The following PARD3B variants were observed in gnomAD, a reference collection of about 807,000 sequenced individuals.
PARD3B encodes partitioning defective 3 homolog B.
A neutral mutation model predicts 130.2 loss-of-function variants in PARD3B; 103 were observed. The ratio of observed to expected loss-of-function variants is 0.79; its 90% CI spans 0.67 to 0.93. PARD3B has a LOEUF of 0.93. Ranked by LOEUF, PARD3B falls within the 40% of genes least tolerant of loss-of-function variation. PARD3B has a pLI of 0.00. For missense variants in PARD3B, 1,609 were observed against 1,499.2 expected, an observed-to-expected ratio of 1.07 and a Z score of -1.21; for synonymous variants, 583 against 553.2, an observed-to-expected ratio of 1.05 and a Z score of -0.76.
At chr2:204,874,627 C>T (rs1267849309) in intron 2 of PARD3B, among the ~76,000 whole-genome samples, 2 of 152,126 alleles carry the variant, frequency 1.3e-5, no homozygotes, top group Non-Finnish European at 2.9e-5. Flanking sequence ...ACAGGTTTTA[C>T]ATGAACAGCT....
rs2125681650 is a variant in PARD3B, at chr2:204,887,148, T to C, written c.223-78004T>C. ...TTTTTTATTTAGGGAAGTTATCTGT[T>C]CAATTGAGATGAATGGTAATGGGAT... On this transcript the variant is annotated intron_variant, in intron 2 of 22. Transcript: ENST00000406610. This position sits in a 1 kb window ranked among gnomAD's most constrained non-coding sequence, Gnocchi z 4.2. Among the ~76,000 whole-genome samples the C allele has an allele frequency of 6.6e-6, 1 of 152,354 alleles. No homozygotes were observed. Among genetic ancestry groups the C allele is most frequent in the African/African-American group, 2.4e-5 (1 of 41,580 alleles).
intron 18 of PARD3B, among the ~76,000 whole-genome samples, chr2:205,318,228 A>T (rs2042627133): frequency 6.6e-6 from 1 of 152,098 alleles, no homozygotes; most frequent in African/African-American, 2.4e-5. Flanking sequence ...AATATCATAG[A>T]TTTGTTCTGC....
intron 3 of PARD3B, among the ~76,000 whole-genome samples, chr2:205,039,056 A>G (rs1698204110): frequency 6.6e-6 from 1 of 151,688 alleles, no homozygotes; most frequent in South Asian, 2.1e-4. Context: ...TTGTGCTGCT[A>G]TTGATATCAT....
rs115839444 is a variant in PARD3B at position 204,588,293 on chromosome 2, T to C, written c.120+42174T>C. ...GTTATAGGAACCTATTTATTGTACATGTAATGAGATAAAGGTGGCCTGTAA... is the reference window on the plus strand; with the variant it reads ...GTTATAGGAACCTATTTATTGTACACGTAATGAGATAAAGGTGGCCTGTAA... On this transcript the variant is annotated intron_variant, in intron 1 of 22. Transcript: ENST00000406610. Among the ~76,000 whole-genome samples, 1,094 of 152,290 alleles carry C rather than the reference T, an allele frequency of 7.2e-3. 17 individuals carry two copies. Among genetic ancestry groups the C allele is most frequent in the African/African-American group, 0.025 (1,035 of 41,550 alleles).
At chr2:205,278,087 C>T (rs996903964) in intron 16 of PARD3B, among the ~76,000 whole-genome samples, 3 of 152,006 alleles carry the variant, frequency 2.0e-5, no homozygotes, top group Non-Finnish European at 2.9e-5. Context: ...GCAAAGGTAG[C>T]GAGTGCTGAG....
At chr2:205,389,828 A>G (rs115112345) in intron 18 of PARD3B, among the ~76,000 whole-genome samples, 3,168 of 152,310 alleles carry the variant, frequency 0.021, 45 homozygotes, top group South Asian at 0.033. Flanking sequence ...CATGTTTTTT[A>G]TAGAAGACAT....
chr2:205,069,288 A>C (rs1414593360), intron 4 of PARD3B, among the ~76,000 whole-genome samples: 1 of 151,518 alleles, frequency 6.6e-6, no homozygotes, highest in Non-Finnish European at 1.5e-5. Flanking sequence ...TTTCTGGTGC[A>C]TTTTTCTATC....
chr2:204,896,067 A>G (rs1353752905), intron 2 of PARD3B, among the ~76,000 whole-genome samples: 1 of 152,116 alleles, frequency 6.6e-6, no homozygotes, highest in East Asian at 1.9e-4. Flanking sequence ...CAGGTTCTCT[A>G]CTCAGACTTC....
chr2:205,209,714 T>A (rs1267849249), intron 15 of PARD3B, among the ~76,000 whole-genome samples: 1 of 151,986 alleles, frequency 6.6e-6, no homozygotes, highest in East Asian at 1.9e-4. Flanking sequence ...CAATACTTTA[T>A]GAAGTGATTA....
At chr2:205,453,869 C>G (rs11884476) in intron 20 of PARD3B, among the ~76,000 whole-genome samples, 16,203 of 152,132 alleles carry the variant, frequency 0.11, 1,286 homozygotes, top group African/African-American at 0.23. Flanking sequence ...TGAGTATTGG[C>G]ACATGATGCA....
chr2:205,503,459 TCTC>T (rs1292330338), intron 21 of PARD3B, among the ~76,000 whole-genome samples: 1 of 152,118 alleles, frequency 6.6e-6, no homozygotes, highest in Non-Finnish European at 1.5e-5. Context: ...TTGCAAAAGA[TCTC>T]CTGATTTATT....
intron 4 of PARD3B, chr2:205,048,402 T>G (rs1052137404): frequency 6.6e-6 from 1 of 152,232 alleles, no homozygotes; most frequent in African/African-American, 2.4e-5. Flanking sequence ...TATAGGACTG[T>G]GGGATCTTCC....
chr2:205,013,744 C>T (rs1695907398), intron 3 of PARD3B, among the ~76,000 whole-genome samples: 1 of 152,152 alleles, frequency 6.6e-6, no homozygotes, highest in Non-Finnish European at 1.5e-5. Context: ...CTGTGGTCAG[C>T]GCTGGAGGTT....
Position 205,525,184 on chromosome 2 carries a change from C to T in PARD3B, c.3180+25153C>T, listed in dbSNP as rs1451009708. 1.3e-5 allele frequency among the ~76,000 whole-genome samples: 2 copies of T among 152,076 alleles called. No individual in the cohort carries two copies. The highest frequency in any genetic ancestry group is 2.1e-4 in the South Asian group (1 of 4,828). ...GAAAATACTAGGGCTTTTTTCCCCT[C>T]CTACATGGTTAACTCCTAATTTTCC... On this transcript the variant is annotated intron_variant, in intron 21 of 22. Coordinates refer to ENST00000406610, the MANE Select transcript of PARD3B (RefSeq NM_001302769.2). The surrounding 1 kb of genome is among the most constrained non-coding windows in gnomAD (Gnocchi z 4.2).
At chr2:205,476,000 A>G (rs1203558583) in intron 20 of PARD3B, among the ~76,000 whole-genome samples, 2 of 152,220 alleles carry the variant, frequency 1.3e-5, no homozygotes, top group Non-Finnish European at 2.9e-5. Flanking sequence ...ACAGGAAAAT[A>G]GATTATCTGA....
chr2:205,214,585 C>G (rs1005556296), intron 15 of PARD3B, among the ~76,000 whole-genome samples: 1 of 151,768 alleles, frequency 6.6e-6, no homozygotes, highest in Non-Finnish European at 1.5e-5. Context: ...GGTACAGACC[C>G]AATGTAGCTT....
At chr2:205,532,018 C>CAACA (rs1256393479) in intron 21 of PARD3B, among the ~76,000 whole-genome samples, 3 of 152,070 alleles carry the variant, frequency 2.0e-5, no homozygotes, top group Non-Finnish European at 4.4e-5. Context: ...CGCTATTAAT[C>CAACA]AACACTTGTA....
chr2:204,931,782 A>G (rs982912374), intron 2 of PARD3B, among the ~76,000 whole-genome samples: 1 of 152,012 alleles, frequency 6.6e-6, no homozygotes, highest in Non-Finnish European at 1.5e-5. Flanking sequence ...CTTAAATCCA[A>G]ACTAAGAGTG....
chr2:204,746,879 C>CA (rs1574878618), intron 2 of PARD3B, among the ~76,000 whole-genome samples: 1 of 151,904 alleles, frequency 6.6e-6, no homozygotes, highest in African/African-American at 2.4e-5. Context: ...GGATATTAGC[C>CA]CTTTGTCAGA....
Sources: allele counts gnomAD v4.1 joint callset (sites outside exome capture counted in the v4.1 genomes callset), GRCh38; gene constraint gnomAD v4.1.1; non-coding constraint Gnocchi (gnomAD v3.1); transcripts MANE v1.5; gene names NCBI Gene and HGNC (gene_info 2026-07-23, HGNC 2026-07-21).